ARHGEF33: variants seen among roughly 807,000 people sequenced by gnomAD.
The protein encoded by ARHGEF33 is DH and coiled-coil domain-containing protein ENSP00000381780.
A neutral mutation model predicts 101.9 loss-of-function variants in ARHGEF33; 72 were observed. The observed-to-expected ratio is 0.71, with a 90% confidence interval of 0.58 to 0.86. ARHGEF33 has a LOEUF of 0.86. ARHGEF33 is among the 40% of genes least tolerant of loss of function. ARHGEF33 has a pLI of 0.00. For synonymous variants in ARHGEF33, 499 were observed against 442.5 expected (o/e 1.13, Z -1.60); for missense variants, 1,169 against 1,111.3 (o/e 1.05, Z -0.74).
chr2:38,931,359 C>T, intron 7 of ARHGEF33, 108 bp downstream of exon 7: 1 of 1,020,172 alleles, frequency 9.8e-7, no homozygotes, highest in Non-Finnish European at 1.4e-6. Context: ...TGGTGTATTG[C>T]CTAGAATTTT....
chr2:38,913,485 A>C (rs1412805034), intron 2 of ARHGEF33, among the ~76,000 whole-genome samples: 1 of 152,312 alleles, frequency 6.6e-6, no homozygotes, highest in East Asian at 1.9e-4. Context: ...AAACAAAAAC[A>C]ATCTACCAGC....
At chr2:38,919,516 GA>G in intron 3 of ARHGEF33, 44 bp downstream of exon 3, 1 of 1,548,902 alleles carries the variant, frequency 6.5e-7, no homozygotes, top group Non-Finnish European at 8.7e-7. Context: ...AGGATTCAAG[GA>G]ATGTAGGTTT....
intron 2 of ARHGEF33, among the ~76,000 whole-genome samples, chr2:38,913,131 G>A (rs755746451): frequency 6.6e-6 from 1 of 151,574 alleles, no homozygotes; most frequent in Non-Finnish European, 1.5e-5. Flanking sequence ...TGAACTACTG[G>A]GCTCAAATGA....
At chr2:38,896,912 A>G (rs984576063) in intron 2 of ARHGEF33, among the ~76,000 whole-genome samples, 3 of 151,928 alleles carry the variant, frequency 2.0e-5, no homozygotes, top group Non-Finnish European at 4.4e-5. Flanking sequence ...TGCCCGGCAT[A>G]CTTTTCTTTT....
At chr2:38,901,724 T>C (rs1412537278) in intron 2 of ARHGEF33, among the ~76,000 whole-genome samples, 1 of 152,180 alleles carries the variant, frequency 6.6e-6, no homozygotes, top group Non-Finnish European at 1.5e-5. Flanking sequence ...GTAAATAATT[T>C]TCCCAAGGTC....
chr2:38,915,299 G>A (rs1367065367), intron 2 of ARHGEF33, among the ~76,000 whole-genome samples: 1 of 151,838 alleles, frequency 6.6e-6, no homozygotes, highest in East Asian at 1.9e-4. Context: ...AAGTGATCAT[G>A]ATAGTTGTTT....
intron 11 of ARHGEF33, 145 bp from the exon 12 acceptor site, chr2:38,953,017 G>T: frequency 1.7e-6 from 1 of 588,424 alleles, no homozygotes; most frequent in South Asian, 2.2e-5. Context: ...ATTCTTTAAA[G>T]CCTCAAAATA....
intron 16 of ARHGEF33, among the ~76,000 whole-genome samples, chr2:38,961,131 T>A (rs992451799): frequency 6.6e-6 from 1 of 152,188 alleles, no homozygotes; most frequent in African/African-American, 2.4e-5. Context: ...CCTACTCCAC[T>A]TCTTCCCGGC....
chr2:38,899,741 C>T (rs961012288), intron 2 of ARHGEF33, among the ~76,000 whole-genome samples: 1 of 152,112 alleles, frequency 6.6e-6, no homozygotes. Flanking sequence ...TATAAGGTGA[C>T]AGGTAGGCTA....
chr2:38,918,108 C>G (rs1666675239), intron 2 of ARHGEF33, among the ~76,000 whole-genome samples: 1 of 152,166 alleles, frequency 6.6e-6, no homozygotes, highest in Non-Finnish European at 1.5e-5. Context: ...CATGGAATTG[C>G]TGGGAGGCTG....
chr2:38,919,321 C>T, intron 2 of ARHGEF33, 42 bp from the exon 3 acceptor site: 1 of 913,398 alleles, frequency 1.1e-6, no homozygotes, highest in Non-Finnish European at 1.7e-6. Flanking sequence ...GTTTCTTTGA[C>T]AGTTTTACTT....
At chr2:38,934,939 G>A (rs752703356) in intron 7 of ARHGEF33, among the ~76,000 whole-genome samples, 5 of 151,958 alleles carry the variant, frequency 3.3e-5, no homozygotes, top group Non-Finnish European at 5.9e-5. Flanking sequence ...AAGAAACGGA[G>A]CAGCCAGTGT....
chr2:38,921,908 G>A (rs959364755), intron 4 of ARHGEF33, among the ~76,000 whole-genome samples: 1 of 152,148 alleles, frequency 6.6e-6, no homozygotes, highest in Non-Finnish European at 1.5e-5. Flanking sequence ...TTAGCAGGGA[G>A]AATTGAGAAT....
intron 2 of ARHGEF33, among the ~76,000 whole-genome samples, chr2:38,903,732 C>T (rs1001307220): frequency 9.9e-5 from 15 of 152,176 alleles, no homozygotes; most frequent in African/African-American, 2.4e-4. Flanking sequence ...TCTGCAAATA[C>T]CCTTTAGGGC....
intron 7 of ARHGEF33, among the ~76,000 whole-genome samples, chr2:38,932,617 G>A (rs543966053): frequency 1.3e-5 from 2 of 152,250 alleles, no homozygotes; most frequent in East Asian, 3.9e-4. Context: ...GTATAGTATA[G>A]GATAGGCTTA....
intron 1 of ARHGEF33, among the ~76,000 whole-genome samples, chr2:38,894,139 C>A (rs1481224784): frequency 1.3e-5 from 2 of 152,000 alleles, no homozygotes; most frequent in Admixed American, 6.6e-5. Flanking sequence ...GGCAACGTGG[C>A]AAAACCCCAT....
chr2:38,894,193 C>G (rs943473207), intron 1 of ARHGEF33, among the ~76,000 whole-genome samples: 1 of 151,988 alleles, frequency 6.6e-6, no homozygotes, highest in Admixed American at 6.6e-5. Flanking sequence ...ATTAGCCAGG[C>G]ATGGTGGCAT....
At chr2:38,933,382 GTTTTT>G (rs145789710) in intron 7 of ARHGEF33, among the ~76,000 whole-genome samples, 1 of 148,012 alleles carries the variant, frequency 6.8e-6, no homozygotes, top group Non-Finnish European at 1.5e-5. Flanking sequence ...TTTTTGTTTT[GTTTTT>G]TTTTTCTTTT....
At chr2:38,934,851 G>A (rs1438528855) in intron 7 of ARHGEF33, among the ~76,000 whole-genome samples, 2 of 151,982 alleles carry the variant, frequency 1.3e-5, no homozygotes, top group African/African-American at 4.8e-5. Context: ...AATAAGTAAA[G>A]AGGAATTGTA....
Sources: allele counts gnomAD v4.1 joint callset (sites outside exome capture counted in the v4.1 genomes callset), GRCh38; gene constraint gnomAD v4.1.1; transcripts MANE v1.5; gene names NCBI Gene and HGNC (gene_info 2026-07-23, HGNC 2026-07-21).